The following EXTL3 variants were observed in gnomAD, a reference collection of about 807,000 sequenced individuals.
EXTL3 encodes the protein exostosin like glycosyltransferase 3.
Under a neutral mutation model 69.3 loss-of-function variants are expected in EXTL3, and 27 were observed. The ratio of observed to expected loss-of-function variants is 0.39; its 90% CI spans 0.29 to 0.54. The LOEUF is 0.54. Ranked by LOEUF, EXTL3 falls within the 20% of genes least tolerant of loss-of-function variation. EXTL3 has a pLI of 0.69. For synonymous variants in EXTL3, 511 were observed against 499.4 expected (o/e 1.02, Z -0.31); for missense variants, 1,003 against 1,231.8 (o/e 0.81, Z 2.78).
intron 2 of EXTL3, among the ~76,000 whole-genome samples, chr8:28,609,680 G>A (rs1233606110): frequency 6.6e-6 from 1 of 151,800 alleles, no homozygotes; most frequent in Non-Finnish European, 1.5e-5. Flanking sequence ...GTGGAGCCCA[G>A]GAGTTCAAGG....
intron 6 of EXTL3, among the ~76,000 whole-genome samples, chr8:28,747,621 T>G (rs1801914128): frequency 1.3e-5 from 2 of 152,166 alleles, no homozygotes; most frequent in Non-Finnish European, 2.9e-5. Flanking sequence ...GCTTATTTCT[T>G]TTGGTTCTCT....
At chr8:28,704,649 C>T (rs1289971907) in intron 1 of EXTL3, among the ~76,000 whole-genome samples, 1 of 152,002 alleles carries the variant, frequency 6.6e-6, no homozygotes, top group African/African-American at 2.4e-5. Flanking sequence ...TCCAGCATGG[C>T]TTCTTTTCTT....
At chr8:28,666,910 T>C (rs1807206125) in intron 1 of EXTL3, among the ~76,000 whole-genome samples, 1 of 152,152 alleles carries the variant, frequency 6.6e-6, no homozygotes, top group Non-Finnish European at 1.5e-5. Context: ...ATTCCAGTCC[T>C]CTCCTCCTGC....
intron 3 of EXTL3, among the ~76,000 whole-genome samples, chr8:28,726,863 T>C (rs79633766): frequency 0.012 from 1,736 of 150,550 alleles, 50 homozygotes; most frequent in Admixed American, 0.058. Flanking sequence ...TGTGAATCTT[T>C]AACAGCTTTT....
chr8:28,617,969 A>G (rs1447204230), upstream of EXTL3, among the ~76,000 whole-genome samples: 1 of 152,194 alleles, frequency 6.6e-6, no homozygotes, highest in African/African-American at 2.4e-5. Flanking sequence ...AGCAGATTTG[A>G]GCTCACTGGG....
intron 1 of EXTL3, among the ~76,000 whole-genome samples, chr8:28,643,531 C>T (rs1806778866): frequency 6.6e-6 from 1 of 151,138 alleles, no homozygotes; most frequent in Admixed American, 6.6e-5. Context: ...TCTCCTGCCT[C>T]AGCCTCCCGA....
chr8:28,644,140 C>T (rs915753352), intron 1 of EXTL3, among the ~76,000 whole-genome samples: 1 of 151,634 alleles, frequency 6.6e-6, no homozygotes, highest in Non-Finnish European at 1.5e-5. Flanking sequence ...TGAAATTATA[C>T]TATTTGCATA....
intron 2 of EXTL3, among the ~76,000 whole-genome samples, chr8:28,713,880 C>G (rs1220940936): frequency 6.8e-6 from 1 of 146,828 alleles, no homozygotes; most frequent in East Asian, 2.0e-4. Flanking sequence ...TTAGCTGATT[C>G]TAATATCCTC....
chr8:28,756,380 TACAC>T (rs1251616879), downstream of EXTL3, among the ~76,000 whole-genome samples: 7 of 152,244 alleles, frequency 4.6e-5, no homozygotes, highest in Non-Finnish European at 8.8e-5. Context: ...GTCCGTCTTC[TACAC>T]ACCCAGCATA....
chr8:28,684,347 C>T (rs1807542870), intron 1 of EXTL3, among the ~76,000 whole-genome samples: 1 of 152,042 alleles, frequency 6.6e-6, no homozygotes. Flanking sequence ...TTTTGAGGAA[C>T]CTCAAAACTC....
At chr8:28,665,948 A>C (rs567979577) in intron 1 of EXTL3, among the ~76,000 whole-genome samples, 1 of 152,334 alleles carries the variant, frequency 6.6e-6, no homozygotes, top group South Asian at 2.1e-4. Context: ...GGCGTCATCC[A>C]GTTAGAAGCT....
chr8:28,724,433 C>G (rs1801365978), intron 3 of EXTL3, among the ~76,000 whole-genome samples: 1 of 152,076 alleles, frequency 6.6e-6, no homozygotes, highest in Non-Finnish European at 1.5e-5. Flanking sequence ...TTCTTGCTTT[C>G]TGCCCCATCA....
At chr8:28,655,550 G>A (rs1375082642) in intron 1 of EXTL3, among the ~76,000 whole-genome samples, 1 of 149,566 alleles carries the variant, frequency 6.7e-6, no homozygotes, top group African/African-American at 2.5e-5. Context: ...GAGTGCAGTG[G>A]CACGATCATA....
intron 1 of EXTL3, among the ~76,000 whole-genome samples, chr8:28,664,757 T>A (rs1807167755): frequency 1.3e-5 from 2 of 152,028 alleles, no homozygotes; most frequent in Admixed American, 6.6e-5. Context: ...TTTATATACA[T>A]CTCCCCCCGG....
chr8:28,624,729 C>G (rs1806466436), intron 1 of EXTL3, among the ~76,000 whole-genome samples: 1 of 152,078 alleles, frequency 6.6e-6, no homozygotes, highest in South Asian at 2.1e-4. Context: ...GTCACCGACA[C>G]CATAAGAACT....
chr8:28,641,509 C>T (rs1806741674), intron 1 of EXTL3, among the ~76,000 whole-genome samples: 1 of 152,348 alleles, frequency 6.6e-6, no homozygotes, highest in Non-Finnish European at 1.5e-5. Context: ...CGGAGTCTCA[C>T]TCTTTCCTCC....
intron 3 of EXTL3, among the ~76,000 whole-genome samples, chr8:28,726,569 C>T (rs985203671): frequency 2.6e-5 from 4 of 152,260 alleles, no homozygotes; most frequent in East Asian, 3.9e-4. Flanking sequence ...AGCAGTGGCA[C>T]AGTGACATTT....
intron 2 of EXTL3, among the ~76,000 whole-genome samples, chr8:28,610,215 ATGTGTGTG>A (rs367793242): frequency 6.7e-6 from 1 of 149,436 alleles, no homozygotes; most frequent in Non-Finnish European, 1.5e-5. Context: ...AAATATGTAT[ATGTGTGTG>A]TGTGTGTGTG....
chr8:28,713,392 TTGAG>T, intron 1 of EXTL3, 61 bp from the exon 2 acceptor site: 2 of 647,446 alleles, frequency 3.1e-6, no homozygotes, highest in Non-Finnish European at 5.5e-6. Context: ...ACTTTCAGTA[TTGAG>T]TATTTTTCTA....
Sources: allele counts gnomAD v4.1 joint callset (sites outside exome capture counted in the v4.1 genomes callset), GRCh38; gene constraint gnomAD v4.1.1; transcripts MANE v1.5; gene names NCBI Gene and HGNC (gene_info 2026-07-23, HGNC 2026-07-21).